The following GPHN variants were observed in gnomAD, a reference collection of about 807,000 sequenced individuals.
GPHN encodes the protein gephyrin.
In GPHN, 17 loss-of-function variants were observed where a neutral mutation model predicts 95.5. The observed-to-expected ratio is 0.18, with a 90% CI of 0.12 to 0.27. The LOEUF (loss-of-function observed/expected upper bound fraction) is 0.27, where lower values mean the gene tolerates loss of function less well. Among genes scored for constraint, GPHN ranks in the 10% least tolerant of loss-of-function variants. The pLI is 1.00. For missense variants in GPHN, 660 were observed against 978.1 expected, an observed-to-expected ratio of 0.67 and a Z score of 4.34; for synonymous variants, 320 against 322.5, an observed-to-expected ratio of 0.99 and a Z score of 0.08.
the GPHN span, among the ~76,000 whole-genome samples, chr14:67,194,600 G>A: frequency 1.3e-5 from 2 of 152,034 alleles, no homozygotes; most frequent in Non-Finnish European, 2.9e-5. Flanking sequence ...CCGCCTCCCG[G>A]GTTCAAGAGA....
At chr14:66,955,201 ATT>A (rs2068403693) in intron 8 of GPHN, among the ~76,000 whole-genome samples, 2 of 152,310 alleles carry the variant, frequency 1.3e-5, no homozygotes, top group Middle Eastern at 6.8e-3. Context: ...TTCTATAAAC[ATT>A]TAATAGAATT....
the GPHN span, chr14:67,227,807 T>A: frequency 6.6e-6 from 1 of 152,206 alleles, no homozygotes; most frequent in African/African-American, 2.4e-5. Flanking sequence ...ATAATCTTAA[T>A]CTTAACATCC....
chr14:67,180,939 G>A lies in GPHN; in HGVS notation c.*2G>A, dbSNP rs879057181. 13 of 1,613,678 alleles carry A rather than the reference G, an allele frequency of 8.1e-6. No individual in the cohort carries two copies. Among genetic ancestry groups the A allele is most frequent in the Admixed American group, 5.0e-5 (3 of 59,952 alleles). ...GTCATGGTCATTGGACGGCTATGAT[G>A]GTCACCAGCAGGAGAAAGCTTTGAT... On this transcript the variant is annotated 3_prime_UTR_variant, in exon 23 of 23. Transcript: ENST00000478722.
chr14:67,088,616 A>G (rs937544961), intron 11 of GPHN, among the ~76,000 whole-genome samples: 1 of 152,230 alleles, frequency 6.6e-6, no homozygotes. Flanking sequence ...ATAGATTTCT[A>G]GAAGTGAAAC....
intron 2 of GPHN, among the ~76,000 whole-genome samples, chr14:66,735,993 A>C (rs191612048): frequency 6.6e-6 from 1 of 152,216 alleles, no homozygotes; most frequent in Non-Finnish European, 1.5e-5. Flanking sequence ...TTGCTAGGTT[A>C]CACAGCTAAC....
chr14:67,143,319 CTT>C (rs1567397690), intron 17 of GPHN, 41 bp from the exon 18 acceptor site: 1 of 1,271,010 alleles, frequency 7.9e-7, no homozygotes, highest in South Asian at 1.2e-5. Flanking sequence ...TATCTAAAAT[CTT>C]TTCCTTGTGT....
intron 9 of GPHN, among the ~76,000 whole-genome samples, chr14:67,014,326 C>CAA (rs1567213860): frequency 6.6e-6 from 1 of 152,072 alleles, no homozygotes; most frequent in East Asian, 1.9e-4. Context: ...TTCACTTATA[C>CAA]GTGAAGTTAT....
the GPHN span, among the ~76,000 whole-genome samples, chr14:67,435,115 C>T: frequency 1.7e-4 from 26 of 152,018 alleles, no homozygotes; most frequent in Non-Finnish European, 3.1e-4. Flanking sequence ...TATAGGCACC[C>T]GCCACCATGC....
chr14:67,164,270 C>CAAAA (rs780524695), intron 19 of GPHN, among the ~76,000 whole-genome samples: 12 of 46,626 alleles, frequency 2.6e-4, no homozygotes, highest in African/African-American at 6.1e-4. Flanking sequence ...ACTCCATCTC[C>CAAAA]AAAAAAAAAA....
chr14:67,367,585 C>T, the GPHN span, among the ~76,000 whole-genome samples: 8 of 152,348 alleles, frequency 5.3e-5, no homozygotes, highest in Non-Finnish European at 7.3e-5. Flanking sequence ...CTCATAAATA[C>T]GGTGCATGGA....
At chr14:67,128,107 C>T (rs2079444294) in intron 17 of GPHN, among the ~76,000 whole-genome samples, 1 of 152,190 alleles carries the variant, frequency 6.6e-6, no homozygotes, top group South Asian at 2.1e-4. Flanking sequence ...CGTGGCTTAC[C>T]CTTGGCTTTC....
intron 2 of GPHN, among the ~76,000 whole-genome samples, chr14:66,759,900 T>C (rs941148158): frequency 2.9e-4 from 44 of 152,204 alleles, no homozygotes; most frequent in African/African-American, 1.1e-3. Flanking sequence ...GAGAAACTTC[T>C]GAATTATAGT....
intron 3 of GPHN, among the ~76,000 whole-genome samples, chr14:66,785,039 G>A (rs988623124): frequency 6.6e-6 from 1 of 152,166 alleles, no homozygotes; most frequent in Non-Finnish European, 1.5e-5. Flanking sequence ...GAAGGATGGC[G>A]AAAGATTTAT....
the GPHN span, among the ~76,000 whole-genome samples, chr14:67,611,642 C>T: frequency 6.6e-6 from 1 of 152,004 alleles, no homozygotes; most frequent in Non-Finnish European, 1.5e-5. Context: ...GAAAAAACAA[C>T]CAATTGGAAA....
the GPHN span, among the ~76,000 whole-genome samples, chr14:67,670,688 CCAGCTA>C: frequency 6.6e-6 from 1 of 152,102 alleles, no homozygotes; most frequent in Admixed American, 6.6e-5. Context: ...GCCACCACAC[CCAGCTA>C]ATTTTTGTAT....
the GPHN span, among the ~76,000 whole-genome samples, chr14:67,442,333 T>C: frequency 6.6e-6 from 1 of 152,114 alleles, no homozygotes; most frequent in African/African-American, 2.4e-5. Flanking sequence ...GTTCAGTGGG[T>C]TGGCCAGAAT....
chr14:67,430,428 C>G, the GPHN span, among the ~76,000 whole-genome samples: 1 of 152,208 alleles, frequency 6.6e-6, no homozygotes, highest in South Asian at 2.1e-4. Flanking sequence ...CCCTGGAATG[C>G]CTGGGTGCTC....
chr14:67,364,996 G>T, the GPHN span: 1 of 1,591,450 alleles, frequency 6.3e-7, no homozygotes, highest in South Asian at 1.1e-5. Context: ...CATTAGGGTG[G>T]ACAAAGAAAA....
Position 67,058,663 on chromosome 14 carries a change from G to C in GPHN, c.1021G>C (p.Asp341His). Reference sequence around the variant, plus strand: ...TTACTGTTTAGGTCACAGTGCTGTCGATATCACCAAGGTGGCTAGAAGACA... The same window carrying C: ...TTACTGTTTAGGTCACAGTGCTGTCCATATCACCAAGGTGGCTAGAAGACA... ...NILRASHSAVDITKVARRHRM... is the reference protein window; with the variant it reads ...NILRASHSAVHITKVARRHRM... The change falls in exon 11 of 23, where the codon GAT (aspartate) becomes CAT (histidine). Residue 341 changes from aspartate (D) to histidine (H), a missense_variant. This residue lies in a region of GPHN where 190 missense variants were observed against 224.7 expected (regional missense o/e 0.85). Transcript: ENST00000478722. 1 of 1,613,142 alleles carries C rather than the reference G, an allele frequency of 6.2e-7. No individual in the cohort carries two copies. Among genetic ancestry groups the C allele is most frequent in the South Asian group, 1.1e-5 (1 of 91,044 alleles).
Sources: allele counts gnomAD v4.1 joint callset (sites outside exome capture counted in the v4.1 genomes callset), GRCh38; gene constraint gnomAD v4.1.1; regional missense constraint gnomAD v4.1.1; transcripts MANE v1.5; gene names NCBI Gene and HGNC (gene_info 2026-07-23, HGNC 2026-07-21).